FNIP2: variants seen among roughly 807,000 people sequenced by gnomAD.
The protein encoded by FNIP2 is folliculin-interacting protein 2.
FNIP2 carries 32 observed loss-of-function variants against 108.7 expected under a neutral mutation model. That is an observed-to-expected ratio of 0.29 (90% CI 0.22 to 0.40). FNIP2 has a LOEUF of 0.40. Ranked by LOEUF, FNIP2 falls within the 10% of genes least tolerant of loss-of-function variation. The probability of loss-of-function intolerance (pLI) is 1.00; values close to 1 mark genes in which losing one functional copy is unlikely to be tolerated. For synonymous variants in FNIP2, 480 were observed against 496.7 expected (o/e 0.97, Z 0.45); for missense variants, 1,202 against 1,381.6 (o/e 0.87, Z 2.06).
chr4:158,834,752 A>G (rs1394890328), intron 6 of FNIP2: 1 of 152,330 alleles, frequency 6.6e-6, no homozygotes, highest in East Asian at 1.9e-4. Context: ...AATCTGAAGC[A>G]TTCCTAGAAG....
At chr4:158,791,659 TG>T (rs1386560861) in intron 1 of FNIP2, among the ~76,000 whole-genome samples, 1 of 152,176 alleles carries the variant, frequency 6.6e-6, no homozygotes, top group East Asian at 1.9e-4. Flanking sequence ...AACCAGCTAC[TG>T]TTGATGTGCA....
chr4:158,860,102 C>T (rs1780196399), intron 10 of FNIP2, among the ~76,000 whole-genome samples: 1 of 152,200 alleles, frequency 6.6e-6, no homozygotes, highest in Admixed American at 6.5e-5. Context: ...TCCTAGTTTA[C>T]ACCAAGTGTC....
chr4:158,894,182 T>C (rs1046653830), intron 15 of FNIP2, among the ~76,000 whole-genome samples: 3 of 151,416 alleles, frequency 2.0e-5, no homozygotes, highest in Non-Finnish European at 2.9e-5. Context: ...TTTTTTTTTT[T>C]TTTTTTGAGA....
At chr4:158,904,393 T>TA (rs887240254) in intron 16 of FNIP2, 73 bp from the exon 17 acceptor site, 2 of 1,352,180 alleles carry the variant, frequency 1.5e-6, no homozygotes, top group Non-Finnish European at 2.1e-6. Flanking sequence ...TACTTTCTCA[T>TA]AAAAAGAAAT....
intron 1 of FNIP2, among the ~76,000 whole-genome samples, chr4:158,769,845 T>C (rs1445933516): frequency 6.6e-6 from 1 of 152,158 alleles, no homozygotes; most frequent in African/African-American, 2.4e-5. Flanking sequence ...TTCCACATCA[T>C]GTGGAAGGTT....
chr4:158,887,535 G>A (rs1272445949), intron 14 of FNIP2, among the ~76,000 whole-genome samples: 4 of 151,942 alleles, frequency 2.6e-5, no homozygotes, highest in African/African-American at 4.8e-5. Flanking sequence ...TCAAGAATTC[G>A]AGACCAGCCT....
chr4:158,866,164 G>A (rs1004665884), intron 12 of FNIP2, among the ~76,000 whole-genome samples: 2 of 138,864 alleles, frequency 1.4e-5, no homozygotes, highest in Non-Finnish European at 3.1e-5. Flanking sequence ...CCATGTATCA[G>A]TTCTCCTTTA....
chr4:158,791,513 C>T (rs1251145056), intron 1 of FNIP2, among the ~76,000 whole-genome samples: 1 of 151,970 alleles, frequency 6.6e-6, no homozygotes, highest in East Asian at 1.9e-4. Context: ...AACTCCTGAC[C>T]TCAAGTGATC....
intron 10 of FNIP2, among the ~76,000 whole-genome samples, chr4:158,860,452 C>T (rs1344822295): frequency 4.6e-5 from 7 of 152,060 alleles, no homozygotes; most frequent in Non-Finnish European, 1.5e-5. Flanking sequence ...TTAAAGTACT[C>T]AAGTAACATG....
chr4:158,782,180 G>T (rs1776072628), intron 1 of FNIP2, among the ~76,000 whole-genome samples: 1 of 152,202 alleles, frequency 6.6e-6, no homozygotes, highest in Admixed American at 6.5e-5. Context: ...GCAATGTGGA[G>T]CCACTGAGGT....
At chr4:158,872,261 C>T (rs1192345510) in intron 14 of FNIP2, 1 of 985,290 alleles carries the variant, frequency 1.0e-6, no homozygotes, top group Admixed American at 6.1e-5. Flanking sequence ...TCTGTAAAAC[C>T]ATTCATGAAA....
At chr4:158,903,383 G>T (rs558760489) in intron 16 of FNIP2, among the ~76,000 whole-genome samples, 1 of 152,136 alleles carries the variant, frequency 6.6e-6, no homozygotes, top group African/African-American at 2.4e-5. Flanking sequence ...CTTCTGCGTC[G>T]ATCTTGCTGG....
intron 1 of FNIP2, among the ~76,000 whole-genome samples, chr4:158,822,726 T>G (rs1315430830): frequency 1.3e-5 from 2 of 152,192 alleles, no homozygotes; most frequent in African/African-American, 4.8e-5. Flanking sequence ...CTGGAATTCC[T>G]GGGCTCAAGA....
chr4:158,822,560 T>TCG (rs1384191026), intron 1 of FNIP2, among the ~76,000 whole-genome samples: 4 of 152,198 alleles, frequency 2.6e-5, no homozygotes, highest in African/African-American at 9.7e-5. Flanking sequence ...TGCAGTGGTA[T>TCG]GATCATGGCT....
intron 13 of FNIP2, 48 bp from the exon 14 acceptor site, chr4:158,870,265 A>G: frequency 6.3e-7 from 1 of 1,589,168 alleles, no homozygotes; most frequent in Non-Finnish European, 8.6e-7. Flanking sequence ...ATGAAAGAAA[A>G]AAGTACATTT....
chr4:158,876,386 T>C (rs1320771813), intron 14 of FNIP2, among the ~76,000 whole-genome samples: 1 of 152,236 alleles, frequency 6.6e-6, no homozygotes, highest in Non-Finnish European at 1.5e-5. Flanking sequence ...CCCTTTTATG[T>C]CCTTCAAATA....
At chr4:158,870,760 G>T (rs943471042) in intron 14 of FNIP2, among the ~76,000 whole-genome samples, 2 of 152,224 alleles carry the variant, frequency 1.3e-5, no homozygotes, top group Non-Finnish European at 1.5e-5. Flanking sequence ...AGTGAGGAGG[G>T]GGTGACTTCC....
chr4:158,861,871 A>T (rs1223474481), intron 12 of FNIP2, 95 bp downstream of exon 12: 18 of 1,403,810 alleles, frequency 1.3e-5, no homozygotes, highest in Non-Finnish European at 1.8e-5. Flanking sequence ...TCACCCAGTA[A>T]TTCATAGGTT....
intron 1 of FNIP2, among the ~76,000 whole-genome samples, chr4:158,814,085 T>C (rs1777433351): frequency 6.6e-6 from 1 of 152,190 alleles, no homozygotes; most frequent in South Asian, 2.1e-4. Flanking sequence ...CCTCCTTTTC[T>C]TCCTCCTCCT....
Sources: allele counts gnomAD v4.1 joint callset (sites outside exome capture counted in the v4.1 genomes callset), GRCh38; gene constraint gnomAD v4.1.1; transcripts MANE v1.5; gene names NCBI Gene and HGNC (gene_info 2026-07-23, HGNC 2026-07-21).